FILIP1: variants seen among roughly 807,000 people sequenced by gnomAD.
The protein encoded by FILIP1 is filamin A interacting protein 1, also known as filamin-A-interacting protein 1.
A neutral mutation model predicts 102.1 loss-of-function variants in FILIP1; 61 were observed. That is an observed-to-expected ratio of 0.60 (90% confidence interval 0.49 to 0.74). The LOEUF (loss-of-function observed/expected upper bound fraction) is 0.74. Ranked by LOEUF, FILIP1 falls within the 30% of genes least tolerant of loss-of-function variation. The pLI, the probability that FILIP1 is intolerant of heterozygous loss-of-function variation, is 0.00. For missense variants in FILIP1, 1,314 were observed against 1,441.2 expected (o/e 0.91, Z 1.43); for synonymous variants, 491 against 526.9 (o/e 0.93, Z 0.93).
intron 4 of FILIP1, among the ~76,000 whole-genome samples, chr6:75,351,456 G>A (rs1034243182): frequency 4.6e-5 from 7 of 152,088 alleles, no homozygotes; most frequent in Non-Finnish European, 8.8e-5. Context: ...TGTTGACATG[G>A]GTCTAGTGAC....
Position 75,314,163 on chromosome 6 carries a change from G to T in FILIP1, c.1669C>A (p.Leu557Ile), listed in dbSNP as rs191582955. 4 of 1,534,064 alleles carry T rather than the reference G, an allele frequency of 2.6e-6. No individual in the cohort carries two copies. Among genetic ancestry groups the T allele is most frequent in the Admixed American group, 2.5e-5 (1 of 40,406 alleles). Residue 557 changes from leucine to isoleucine, a missense_variant, in exon 5 of 6, where the codon CTA becomes ATA. Physicochemically the swap from Leu to Ile is conservative, Grantham distance 5. Coordinates refer to ENST00000237172, the MANE Select transcript of FILIP1 (RefSeq NM_015687.5). ...LIEESKKLLKLKSEMEEKVYN... is the reference protein window; with the variant it reads ...LIEESKKLLKIKSEMEEKVYN... ...ACTTTTTCCTCCATTTCAGATTTTAGTTTTAAAAGTTTCTTACTTTCTTCA... is the reference window on the plus strand; with the variant it reads ...ACTTTTTCCTCCATTTCAGATTTTATTTTTAAAAGTTTCTTACTTTCTTCA...
intron 1 of FILIP1, among the ~76,000 whole-genome samples, chr6:75,430,612 C>T (rs1777791892): frequency 1.3e-5 from 2 of 152,074 alleles, no homozygotes; most frequent in Admixed American, 1.3e-4. Flanking sequence ...GACATTTAAG[C>T]AAATTTAAAA....
At chr6:75,492,450 G>C (rs1472359994) in intron 1 of FILIP1, among the ~76,000 whole-genome samples, 2 of 152,002 alleles carry the variant, frequency 1.3e-5, no homozygotes, top group African/African-American at 4.8e-5. Context: ...TATTCATTTA[G>C]AGGTAAAATA....
At chr6:75,480,680 C>T (rs1019009392) in intron 1 of FILIP1, among the ~76,000 whole-genome samples, 9 of 152,136 alleles carry the variant, frequency 5.9e-5, no homozygotes, top group Non-Finnish European at 1.5e-5. Context: ...AGTCCTACAG[C>T]AAATACTTTT....
chr6:75,427,192 A>C (rs1198475424), intron 1 of FILIP1, among the ~76,000 whole-genome samples: 1 of 152,208 alleles, frequency 6.6e-6, no homozygotes, highest in Non-Finnish European at 1.5e-5. Flanking sequence ...ATAAAATTTT[A>C]CTGGAAAATA....
At chr6:75,304,116 AC>A (rs1772917157), downstream of FILIP1, among the ~76,000 whole-genome samples, 2 of 152,226 alleles carry the variant, frequency 1.3e-5, no homozygotes, top group Admixed American at 1.3e-4. Context: ...AAAAATTAAA[AC>A]AATTATTCTT....
chr6:75,410,499 T>C (rs1320006881), intron 2 of FILIP1, among the ~76,000 whole-genome samples: 3 of 152,070 alleles, frequency 2.0e-5, no homozygotes, highest in Admixed American at 6.6e-5. Flanking sequence ...CCTGCACCCA[T>C]CAACCCTTCA....
At chr6:75,305,619 A>G (rs993522804), downstream of FILIP1, among the ~76,000 whole-genome samples, 3 of 151,918 alleles carry the variant, frequency 2.0e-5, no homozygotes, top group Non-Finnish European at 4.4e-5. Context: ...AATGATAAAC[A>G]CTCTTGAGGC....
At chr6:75,392,635 CT>C (rs1209195836) in intron 2 of FILIP1, among the ~76,000 whole-genome samples, 2 of 152,134 alleles carry the variant, frequency 1.3e-5, no homozygotes, top group Non-Finnish European at 2.9e-5. Context: ...AATCTTAGCA[CT>C]TTCCCCCCAC....
chr6:75,335,606 G>A (rs1774217635), intron 4 of FILIP1, among the ~76,000 whole-genome samples: 1 of 151,550 alleles, frequency 6.6e-6, no homozygotes, highest in African/African-American at 2.4e-5. Flanking sequence ...AAACATTCCA[G>A]TATAATTTTT....
At chr6:75,408,856 A>T (rs1562559891) in intron 2 of FILIP1, among the ~76,000 whole-genome samples, 1 of 152,142 alleles carries the variant, frequency 6.6e-6, no homozygotes, top group African/African-American at 2.4e-5. Flanking sequence ...GCACTGTTAC[A>T]CAACTCCAGA....
At chr6:75,306,957 C>T (rs551241825), downstream of FILIP1, among the ~76,000 whole-genome samples, 1 of 152,118 alleles carries the variant, frequency 6.6e-6, no homozygotes, top group Non-Finnish European at 1.5e-5. Context: ...CGCCCACCCC[C>T]ACACTCGGCT....
chr6:75,427,626 T>C (rs887978695), intron 1 of FILIP1, among the ~76,000 whole-genome samples: 11 of 152,224 alleles, frequency 7.2e-5, no homozygotes, highest in African/African-American at 2.6e-4. Flanking sequence ...CGATTGCGTC[T>C]CTCTCTGCCC....
intron 4 of FILIP1, among the ~76,000 whole-genome samples, chr6:75,351,361 C>G (rs190042285): frequency 1.3e-5 from 2 of 152,252 alleles, no homozygotes; most frequent in Admixed American, 1.3e-4. Flanking sequence ...CATGCGGCCA[C>G]CACAGAATAC....
chr6:75,353,570 A>G lies in FILIP1; in HGVS notation c.598T>C (p.Phe200Leu). 1 of 1,614,192 alleles carries G rather than the reference A, an allele frequency of 6.2e-7. No individual in the cohort carries two copies. The highest frequency in any genetic ancestry group is 8.5e-7 in the Non-Finnish European group (1 of 1,180,032). Reference sequence around the variant, plus strand: ...CGCTCCTGCTCCAGCAGGTTGGTGAAGTCGTCGCTCTTGTTCATGTAGTCA... The same window carrying G: ...CGCTCCTGCTCCAGCAGGTTGGTGAGGTCGTCGCTCTTGTTCATGTAGTCA... ...HTDYMNKSDD[F>L]TNLLEQERER... Residue 200 changes from phenylalanine to leucine, a missense_variant, in exon 4 of 6, where the codon TTC becomes CTC. Transcript: ENST00000237172.
chr6:75,370,143 A>T (rs1775466420), intron 2 of FILIP1, among the ~76,000 whole-genome samples: 1 of 152,276 alleles, frequency 6.6e-6, no homozygotes, highest in Non-Finnish European at 1.5e-5. Flanking sequence ...CCATTGCTGC[A>T]GTGAGTCAAG....
At chr6:75,474,966 C>G (rs950049831) in intron 1 of FILIP1, among the ~76,000 whole-genome samples, 11 of 152,104 alleles carry the variant, frequency 7.2e-5, no homozygotes, top group African/African-American at 2.4e-4. Context: ...TGCCTACTCC[C>G]CCTTCACCTT....
chr6:75,362,177 G>A (rs1775192104), intron 3 of FILIP1, among the ~76,000 whole-genome samples: 1 of 152,066 alleles, frequency 6.6e-6, no homozygotes, highest in Admixed American at 6.5e-5. Context: ...TTTAAAATGT[G>A]GTATTATGAG....
rs571891392 is a variant in FILIP1, at chr6:75,441,476, G to A, written c.-6-26498C>T. On this transcript the variant is annotated intron_variant, in intron 1 of 5. Coordinates refer to ENST00000237172, the MANE Select transcript of FILIP1 (RefSeq NM_015687.5). Reference sequence around the variant, plus strand: ...AAAACCGCCATTGTCATCATGGCCCGTTCTCAATGAGCTGTTGGGTACACC... The same window carrying A: ...AAAACCGCCATTGTCATCATGGCCCATTCTCAATGAGCTGTTGGGTACACC... Among the ~76,000 whole-genome samples, 5 of 152,004 alleles carry A rather than the reference G, an allele frequency of 3.3e-5. No homozygotes were observed. In the East Asian group the frequency reaches 5.8e-4, roughly 18 times the overall value.
Sources: allele counts gnomAD v4.1 joint callset (sites outside exome capture counted in the v4.1 genomes callset), GRCh38; gene constraint gnomAD v4.1.1; transcripts MANE v1.5; gene names NCBI Gene and HGNC (gene_info 2026-07-23, HGNC 2026-07-21).